ARHGAP18: variants seen among roughly 807,000 people sequenced by gnomAD.
ARHGAP18 encodes the protein rho GTPase-activating protein 18.
A neutral mutation model predicts 86.2 loss-of-function variants in ARHGAP18; 67 were observed. The observed-to-expected ratio is 0.78, with a 90% CI of 0.64 to 0.95. The LOEUF (loss-of-function observed/expected upper bound fraction) is 0.95. Ranked by LOEUF, ARHGAP18 falls within the 40% of genes least tolerant of loss-of-function variation. ARHGAP18 has a pLI of 0.00. For missense variants in ARHGAP18, 691 were observed against 780.4 expected, an observed-to-expected ratio of 0.89 and a Z score of 1.37; for synonymous variants, 283 against 280.4, an observed-to-expected ratio of 1.01 and a Z score of -0.09.
At chr6:129,629,265 G>A (rs1584067658) in intron 5 of ARHGAP18, 88 bp downstream of exon 5, 5 of 1,061,328 alleles carry the variant, frequency 4.7e-6, no homozygotes, top group African/African-American at 1.6e-5. Flanking sequence ...ATATATATGT[G>A]TGTGTGCGTG....
chr6:129,628,960 T>C (rs961904315), intron 5 of ARHGAP18, among the ~76,000 whole-genome samples: 2 of 152,146 alleles, frequency 1.3e-5, no homozygotes, highest in African/African-American at 4.8e-5. Context: ...TAGATAGATA[T>C]AGAAAAGAAA....
Position 129,640,059 on chromosome 6 carries a change from AAAAAAC to A in ARHGAP18, c.317-1436_317-1431del, listed in dbSNP as rs1164449975. Among the ~76,000 whole-genome samples the A allele has an allele frequency of 4.6e-5, 7 of 151,216 alleles. 1 individual carries two copies. The highest frequency in any genetic ancestry group is 1.7e-4 in the African/African-American group (7 of 41,302). Reference sequence around the variant, plus strand: ...GACTGTCTCAAAAAAAAAAAAAAAAAAAAAACAAACAAAAGTCAGCCATTATTATTT... The same window carrying A: ...GACTGTCTCAAAAAAAAAAAAAAAAAAAACAAAAGTCAGCCATTATTATTT... On this transcript the variant is annotated intron_variant, in intron 2 of 14. Transcript: ENST00000368149.
intron 1 of ARHGAP18, among the ~76,000 whole-genome samples, chr6:129,707,919 C>G (rs1202642423): frequency 6.6e-6 from 1 of 151,990 alleles, no homozygotes; most frequent in Non-Finnish European, 1.5e-5. Context: ...AAAACAACAC[C>G]TGACCAACCC....
In ARHGAP18 at chr6:129,613,302, CACTGGATAAA is replaced by C. The variant is rs1490026188; in HGVS notation, c.1045-1702_1045-1693del. 2.0e-5 allele frequency among the ~76,000 whole-genome samples: 3 copies of C among 149,038 alleles called. No homozygotes were observed. In the East Asian group the frequency reaches 5.9e-4, roughly 29 times the overall value. ...TTCCAAGACCACATTTTTCAAGTAA[CACTGGATAAA>C]ATCCCATAGCAAAAATTTTAGGCGA... is the stretch of plus-strand genomic sequence containing the variant. On this transcript the variant is annotated intron_variant, in intron 7 of 14. Transcript: ENST00000368149.
chr6:129,629,295 G>A, intron 5 of ARHGAP18, 58 bp downstream of exon 5: 2 of 1,377,298 alleles, frequency 1.5e-6, no homozygotes, highest in South Asian at 1.3e-5. Flanking sequence ...GTATATGTGT[G>A]TGTGTATATA....
At chr6:129,592,874 GA>G (rs1029070836) in intron 12 of ARHGAP18, among the ~76,000 whole-genome samples, 5 of 152,114 alleles carry the variant, frequency 3.3e-5, no homozygotes, top group South Asian at 2.1e-4. Context: ...ATTCTAAAAG[GA>G]AAAAACATGT....
At chr6:129,678,434 G>A (rs1036993052) in intron 1 of ARHGAP18, among the ~76,000 whole-genome samples, 2 of 151,934 alleles carry the variant, frequency 1.3e-5, no homozygotes, top group African/African-American at 2.4e-5. Flanking sequence ...GCAAAGTGCA[G>A]GAGCCGCTGG....
chr6:129,593,928 C>T (rs183910069), intron 12 of ARHGAP18, among the ~76,000 whole-genome samples: 6 of 152,200 alleles, frequency 3.9e-5, no homozygotes, highest in Admixed American at 1.3e-4. Flanking sequence ...TAGTCTAGCA[C>T]GTCTTAATAA....
intron 1 of ARHGAP18, among the ~76,000 whole-genome samples, chr6:129,693,905 G>T (rs1206186054): frequency 7.1e-6 from 1 of 141,664 alleles, no homozygotes; most frequent in Non-Finnish European, 1.6e-5. Context: ...CCAGTTATAC[G>T]AACAGCTGAC....
Position 129,608,070 on chromosome 6 carries a change from A to T in ARHGAP18, c.1123-18T>A, listed in dbSNP as rs746247135. The T allele has an allele frequency of 1.4e-6, 2 of 1,406,040 alleles. No individual in the cohort carries two copies. The highest frequency in any genetic ancestry group is 4.8e-5 in the Admixed American group (2 of 41,802). The allele number at this position is 1,406,040 out of a possible 1,614,324, so 87.1% of individuals were successfully genotyped here. Reference sequence around the variant, plus strand: ...CAAAGATTCTGATAGGCACGAAAAAAAAAAAAAAAAAAAAAAGAAGCAGCT... The same window carrying T: ...CAAAGATTCTGATAGGCACGAAAAATAAAAAAAAAAAAAAAAGAAGCAGCT... On this transcript the variant is annotated intron_variant, in intron 8 of 14. Transcript: ENST00000368149.
chr6:129,700,671 C>G (rs1488762906), intron 1 of ARHGAP18, among the ~76,000 whole-genome samples: 1 of 152,174 alleles, frequency 6.6e-6, no homozygotes, highest in South Asian at 2.1e-4. Flanking sequence ...ATCGAAAACA[C>G]GTACTTTATG....
At chr6:129,695,414 A>G (rs1286216646) in intron 1 of ARHGAP18, among the ~76,000 whole-genome samples, 3 of 152,240 alleles carry the variant, frequency 2.0e-5, no homozygotes, top group Admixed American at 2.0e-4. Flanking sequence ...TTTATGGAAG[A>G]AATTTTGCTT....
intron 1 of ARHGAP18, among the ~76,000 whole-genome samples, chr6:129,667,010 T>A (rs1774052451): frequency 6.6e-6 from 1 of 152,112 alleles, no homozygotes; most frequent in African/African-American, 2.4e-5. Context: ...AAAAAAAAAT[T>A]CAAAGTCTTA....
chr6:129,589,418 A>G (rs1441785453), intron 12 of ARHGAP18, among the ~76,000 whole-genome samples: 2 of 152,172 alleles, frequency 1.3e-5, no homozygotes, highest in East Asian at 1.9e-4. Flanking sequence ...CCAGTTGCCA[A>G]CAAGTTCCTC....
chr6:129,667,708 G>A (rs552172998), intron 1 of ARHGAP18, among the ~76,000 whole-genome samples: 12 of 152,040 alleles, frequency 7.9e-5, no homozygotes, highest in Admixed American at 7.9e-4. Flanking sequence ...TACATGGAGG[G>A]CAAGGAGAAA....
rs1292977362 is a variant in ARHGAP18 at position 129,710,068 on chromosome 6, G to A, written c.69C>T (p.Thr23=). ...CTGCCTTTGCATGGCTGTTCCCGAC[G>A]GTCTGGTCCTTGCCGCTGGGGTGGT... The part of the protein sequence containing the change: ...TAYHPSGKDQ[T]VGNSHAKAGE... The change falls in exon 1 of 15, where the codon ACC becomes ACT. Residue 23 remains threonine, a synonymous_variant. Transcript: ENST00000368149. 3 of 1,614,088 alleles carry A rather than the reference G, an allele frequency of 1.9e-6. No individual in the cohort carries two copies. Among genetic ancestry groups the A allele is most frequent in the Non-Finnish European group, 8.5e-7 (1 of 1,179,962 alleles).
chr6:129,649,307 G>T (rs1773651764), intron 1 of ARHGAP18, among the ~76,000 whole-genome samples: 1 of 152,156 alleles, frequency 6.6e-6, no homozygotes, highest in Non-Finnish European at 1.5e-5. Context: ...TGTAATCCCA[G>T]CACTTCGGGA....
intron 12 of ARHGAP18, among the ~76,000 whole-genome samples, chr6:129,596,129 T>C (rs757015869): frequency 6.6e-6 from 1 of 152,182 alleles, no homozygotes; most frequent in Non-Finnish European, 1.5e-5. Flanking sequence ...GTATAGATTT[T>C]CAAGCCTTTG....
chr6:129,706,161 T>C (rs1480931697), intron 1 of ARHGAP18, among the ~76,000 whole-genome samples: 1 of 152,216 alleles, frequency 6.6e-6, no homozygotes, highest in African/African-American at 2.4e-5. Context: ...CAACCATTTC[T>C]CTTAAAATGG....
Sources: allele counts gnomAD v4.1 joint callset (sites outside exome capture counted in the v4.1 genomes callset), GRCh38; gene constraint gnomAD v4.1.1; transcripts MANE v1.5; gene names NCBI Gene and HGNC (gene_info 2026-07-23, HGNC 2026-07-21).